The following TNFRSF8 variants were observed in gnomAD, a reference collection of about 807,000 sequenced individuals.
TNFRSF8 encodes the protein tumor necrosis factor receptor superfamily member 8.
A neutral mutation model predicts 70.8 loss-of-function variants in TNFRSF8; 26 were observed. The observed-to-expected ratio is 0.37, with a 90% CI of 0.27 to 0.51. The LOEUF is 0.51. Ranked by LOEUF, TNFRSF8 falls within the 20% of genes least tolerant of loss-of-function variation. The pLI, the probability that TNFRSF8 is intolerant of heterozygous loss-of-function variation, is 0.94. For missense variants in TNFRSF8, 720 were observed against 807.9 expected, an observed-to-expected ratio of 0.89 and a Z score of 1.32; for synonymous variants, 356 against 339.2, an observed-to-expected ratio of 1.05 and a Z score of -0.54.
chr1:12,107,517 T>C (rs1456596199), intron 4 of TNFRSF8, among the ~76,000 whole-genome samples: 1 of 152,154 alleles, frequency 6.6e-6, no homozygotes, highest in Non-Finnish European at 1.5e-5. Flanking sequence ...TAATTATTTT[T>C]TATATTGATT....
chr1:12,068,624 A>G (rs1284297599), intron 1 of TNFRSF8, among the ~76,000 whole-genome samples: 1 of 152,132 alleles, frequency 6.6e-6, no homozygotes, highest in Non-Finnish European at 1.5e-5. Flanking sequence ...TACATGGCTC[A>G]GTCTAGTTAC....
chr1:12,081,076 A>G (rs1641054871), intron 1 of TNFRSF8, among the ~76,000 whole-genome samples: 1 of 152,186 alleles, frequency 6.6e-6, no homozygotes, highest in Admixed American at 6.5e-5. Context: ...GTGTGAAAGC[A>G]GGCACCCAAG....
chr1:12,069,170 CTTTTTTTTTTT>C (rs57009728), intron 1 of TNFRSF8, among the ~76,000 whole-genome samples: 5 of 53,548 alleles, frequency 9.3e-5, no homozygotes, highest in Admixed American at 3.1e-4. Context: ...TGCACCCGGC[CTTTTTTTTTTT>C]TTTTTTTTTT....
At chr1:12,081,332 A>C (rs79036101) in intron 1 of TNFRSF8, among the ~76,000 whole-genome samples, 2,438 of 152,168 alleles carry the variant, frequency 0.016, 61 homozygotes, top group African/African-American at 0.055. Context: ...GAATGTTCCC[A>C]CACTCAGCAG....
intron 13 of TNFRSF8, among the ~76,000 whole-genome samples, chr1:12,136,446 C>G (rs546708930): frequency 6.6e-6 from 1 of 152,024 alleles, no homozygotes; most frequent in East Asian, 1.9e-4. Flanking sequence ...GTCAGGAGTT[C>G]GAGACCAGCC....
chr1:12,078,647 AC>A (rs1350683160), intron 1 of TNFRSF8, among the ~76,000 whole-genome samples: 2 of 152,110 alleles, frequency 1.3e-5, no homozygotes, highest in Middle Eastern at 3.4e-3. Flanking sequence ...GCACCCCCCC[AC>A]CCCAGGCAGC....
intron 2 of TNFRSF8, among the ~76,000 whole-genome samples, chr1:12,087,486 A>G (rs1641176361): frequency 6.6e-6 from 1 of 152,058 alleles, no homozygotes; most frequent in Admixed American, 6.6e-5. Context: ...GGGCCTTTGG[A>G]CATGCCTGTC....
rs771252964 is a variant in TNFRSF8, at chr1:12,134,656, T to C, written c.1310-932T>C. On this transcript the variant is annotated intron_variant, in intron 12 of 14. Coordinates refer to ENST00000263932, the MANE Select transcript of TNFRSF8 (RefSeq NM_001243.5). ...GTTGTCCTCCTCGAAGGCTGCCACC[T>C]GGGTGCTTTCAGGCACAAGAAAGAG... Among the ~76,000 whole-genome samples, 13 of 152,222 alleles carry C rather than the reference T, an allele frequency of 8.5e-5. 1 individual carries two copies. Among genetic ancestry groups the C allele is most frequent in the Non-Finnish European group, 1.9e-4 (13 of 68,032 alleles).
chr1:12,122,474 C>T lies in TNFRSF8; in HGVS notation c.947-810C>T, dbSNP rs566984303. Among the ~76,000 whole-genome samples, 4 of 151,770 alleles carry T rather than the reference C, an allele frequency of 2.6e-5. No individual in the cohort carries two copies. The South Asian group carries it at 8.3e-4, about 32-fold the overall frequency. On this transcript the variant is annotated intron_variant, in intron 8 of 14. Coordinates refer to ENST00000263932, the MANE Select transcript of TNFRSF8 (RefSeq NM_001243.5). ...CCAGCCTGGTCAACATGGTGAAACC[C>T]TGTTTCTACTAAAAATACAAAAATT...
chr1:12,119,739 T>C lies in TNFRSF8; in HGVS notation c.947-3545T>C, dbSNP rs562562440. Among the ~76,000 whole-genome samples, 137 of 152,260 alleles carry C rather than the reference T, an allele frequency of 9.0e-4. No homozygotes were observed. The highest frequency in any genetic ancestry group is 2.9e-3 in the African/African-American group (122 of 41,556). ...ACCTCAGCCTCCCACAGTGCTGAGA[T>C]TACTGGCATGAGCCACCATGACTGG... On this transcript the variant is annotated intron_variant, in intron 8 of 14. Coordinates refer to ENST00000263932, the MANE Select transcript of TNFRSF8 (RefSeq NM_001243.5). This position sits in a 1 kb window ranked among gnomAD's most constrained non-coding sequence, Gnocchi z 4.4.
chr1:12,134,724 C>A (rs1642113509), intron 12 of TNFRSF8, among the ~76,000 whole-genome samples: 1 of 152,248 alleles, frequency 6.6e-6, no homozygotes, highest in Non-Finnish European at 1.5e-5. Context: ...CCACAGCAGA[C>A]TGGCTTCGGG....
At chr1:12,092,509 C>CTTT (rs60030428) in intron 2 of TNFRSF8, among the ~76,000 whole-genome samples, 1 of 130,082 alleles carries the variant, frequency 7.7e-6, no homozygotes. Flanking sequence ...TTTTTCTTGT[C>CTTT]TTTTTTTTTT....
chr1:12,108,999 A>C lies in TNFRSF8; in HGVS notation c.422-567A>C, dbSNP rs780723701. On this transcript the variant is annotated intron_variant, in intron 4 of 14. Coordinates refer to ENST00000263932, the MANE Select transcript of TNFRSF8 (RefSeq NM_001243.5). The surrounding 1 kb of genome is among the most constrained non-coding windows in gnomAD (Gnocchi z 4.0). ...CCCAATTTTTTAGCACATGTAGCTT[A>C]AAAGTCTGGGGATAGCTCTGAGAAG... is the stretch of plus-strand genomic sequence containing the variant. 2.6e-5 allele frequency among the ~76,000 whole-genome samples: 4 copies of C among 152,148 alleles called. No homozygotes were observed. The highest frequency in any genetic ancestry group is 1.3e-4 in the Admixed American group (2 of 15,270).
chr1:12,094,372 TG>T (rs1416544620), intron 2 of TNFRSF8, among the ~76,000 whole-genome samples: 4 of 152,180 alleles, frequency 2.6e-5, no homozygotes, highest in African/African-American at 9.6e-5. Context: ...GCAAAGGCCC[TG>T]GGGTGGCAGA....
intron 2 of TNFRSF8, among the ~76,000 whole-genome samples, 186 bp downstream of exon 2, chr1:12,084,737 A>G (rs536108218): frequency 7.1e-6 from 1 of 140,782 alleles, no homozygotes; most frequent in African/African-American, 2.5e-5. Flanking sequence ...GGGCTGTAGA[A>G]TTGAGACTGT....
chr1:12,107,575 A>C (rs1466834635), intron 4 of TNFRSF8, among the ~76,000 whole-genome samples: 1 of 152,182 alleles, frequency 6.6e-6, no homozygotes, highest in East Asian at 1.9e-4. Context: ...AAATAATGAA[A>C]ATTAATTGCA....
intron 1 of TNFRSF8, among the ~76,000 whole-genome samples, chr1:12,068,771 G>A (rs894539227): frequency 3.3e-5 from 5 of 152,152 alleles, no homozygotes; most frequent in African/African-American, 4.8e-5. Flanking sequence ...TATGCCCCCC[G>A]TGACAGGATG....
rs1201868209 is a variant in TNFRSF8 at position 12,141,155 on chromosome 1, C to T, written c.1544-1132C>T. Among the ~76,000 whole-genome samples, 2 of 152,072 alleles carry T rather than the reference C, an allele frequency of 1.3e-5. No homozygotes were observed. The highest frequency in any genetic ancestry group is 4.8e-5 in the African/African-American group (2 of 41,400). ...GTTGAGGGTGTGGGGGACTCGAGAA[C>T]CTTTTTGGGGTTCCTGAATCCGAGG... On this transcript the variant is annotated intron_variant, in intron 14 of 14. Transcript: ENST00000263932. The surrounding 1 kb of genome is among the most constrained non-coding windows in gnomAD (Gnocchi z 5.4).
intron 1 of TNFRSF8, among the ~76,000 whole-genome samples, chr1:12,072,913 G>C (rs933993059): frequency 2.0e-5 from 3 of 152,200 alleles, no homozygotes; most frequent in Non-Finnish European, 2.9e-5. Context: ...CAGGCCAAGA[G>C]TTTCCTCTCT....
Sources: allele counts gnomAD v4.1 joint callset (sites outside exome capture counted in the v4.1 genomes callset), GRCh38; gene constraint gnomAD v4.1.1; non-coding constraint Gnocchi (gnomAD v3.1); transcripts MANE v1.5; gene names NCBI Gene and HGNC (gene_info 2026-07-23, HGNC 2026-07-21).